Variants in GTF2A1L observed in about 807,000 individuals in gnomAD.
GTF2A1L encodes general transcription factor IIA subunit 1 like.
A neutral mutation model predicts 49.7 loss-of-function variants in GTF2A1L; 48 were observed. That is an observed-to-expected ratio of 0.97 (90% CI 0.77 to 1.23). The LOEUF (loss-of-function observed/expected upper bound fraction) is 1.23, where lower values mean the gene tolerates loss of function less well. Ranked by LOEUF, GTF2A1L falls within the 50% of genes most tolerant of loss-of-function variation. The probability of loss-of-function intolerance (pLI) is 0.00; values close to 1 mark genes in which losing one functional copy is unlikely to be tolerated. For missense variants in GTF2A1L, 736 were observed against 564.8 expected, an observed-to-expected ratio of 1.30 and a Z score of -3.07; for synonymous variants, 246 against 193.5, an observed-to-expected ratio of 1.27 and a Z score of -2.25.
intron 8 of GTF2A1L, among the ~76,000 whole-genome samples, chr2:48,674,084 A>G (rs1679325347): frequency 6.6e-6 from 1 of 152,106 alleles, no homozygotes; most frequent in African/African-American, 2.4e-5. Flanking sequence ...ATTTGGGTAC[A>G]GGTTTTTGCG....
At chr2:48,659,740 G>C (rs1678382979) in intron 6 of GTF2A1L, among the ~76,000 whole-genome samples, 1 of 152,054 alleles carries the variant, frequency 6.6e-6, no homozygotes, top group Non-Finnish European at 1.5e-5. Flanking sequence ...TATTGAAAAT[G>C]AAATTATTTT....
At chr2:48,623,324 G>A (rs1197267101) in intron 3 of GTF2A1L, among the ~76,000 whole-genome samples, 3 of 152,114 alleles carry the variant, frequency 2.0e-5, no homozygotes, top group African/African-American at 7.2e-5. Flanking sequence ...TAAGTCATTT[G>A]CCTTTGTCTG....
Position 48,674,846 on chromosome 2 carries a change from T to C in GTF2A1L, c.1329+3166T>C, listed in dbSNP as rs546121088. Among the ~76,000 whole-genome samples the C allele has an allele frequency of 4.6e-5, 7 of 152,268 alleles. No individual in the cohort carries two copies. The South Asian group carries it at 1.2e-3, about 27-fold the overall frequency. ...GAATAGATAGAGGTGATATTAAATA[T>C]ACACTGCTAACAAATCTAGTATCTG... On this transcript the variant is annotated intron_variant, in intron 8 of 8. Transcript: ENST00000403751.
At chr2:48,669,676 A>T in intron 6 of GTF2A1L, 46 bp from the exon 7 acceptor site, 1 of 1,553,870 alleles carries the variant, frequency 6.4e-7, no homozygotes, top group Non-Finnish European at 8.7e-7. Context: ...AATATTTTAT[A>T]TACCTTATTT....
intron 1 of GTF2A1L, among the ~76,000 whole-genome samples, chr2:48,618,472 A>G (rs555606509): frequency 2.6e-5 from 4 of 152,312 alleles, no homozygotes; most frequent in Non-Finnish European, 5.9e-5. Flanking sequence ...GAGACCATCA[A>G]TCTTAAAAAC....
chr2:48,641,862 A>T (rs948554712), intron 3 of GTF2A1L, among the ~76,000 whole-genome samples: 1 of 152,102 alleles, frequency 6.6e-6, no homozygotes, highest in African/African-American at 2.4e-5. Context: ...ATTTTTAGCA[A>T]TTGTACCTGT....
At chr2:48,661,397 G>A (rs183600148) in intron 6 of GTF2A1L, among the ~76,000 whole-genome samples, 41 of 151,648 alleles carry the variant, frequency 2.7e-4, no homozygotes, top group African/African-American at 9.7e-4. Flanking sequence ...GGGATTATAG[G>A]TGCCCACCAC....
Position 48,630,349 on chromosome 2 carries a change from G to A in GTF2A1L, c.247+9059G>A, listed in dbSNP as rs561308883. ...ATCTTTCCCTTCCTTGAGTAGATGC[G>A]TTCCTAGGTATTTTATTTTTGTGTG... On this transcript the variant is annotated intron_variant, in intron 3 of 8. Transcript: ENST00000403751. Among the ~76,000 whole-genome samples, 38 of 143,456 alleles carry A rather than the reference G, an allele frequency of 2.6e-4. 2 individuals are homozygous for A. The highest frequency in any genetic ancestry group is 8.4e-4 in the African/African-American group (34 of 40,466). 94.1% of individuals were successfully genotyped at this position (143,456 alleles called of 152,430 possible).
At chr2:48,636,523 T>G (rs1358773210) in intron 3 of GTF2A1L, among the ~76,000 whole-genome samples, 1 of 152,234 alleles carries the variant, frequency 6.6e-6, no homozygotes, top group African/African-American at 2.4e-5. Flanking sequence ...CTAAGATGTC[T>G]ACAGTTTTAC....
At chr2:48,646,097 T>A (rs534642614) in intron 5 of GTF2A1L, among the ~76,000 whole-genome samples, 1 of 152,262 alleles carries the variant, frequency 6.6e-6, no homozygotes, top group South Asian at 2.1e-4. Context: ...TGATTATGTT[T>A]GTTAAAATCC....
rs141421123 is a variant in GTF2A1L at position 48,631,080 on chromosome 2, T to G, written c.247+9790T>G. On this transcript the variant is annotated intron_variant, in intron 3 of 8. Coordinates refer to ENST00000403751, the MANE Select transcript of GTF2A1L (RefSeq NM_006872.5). ...TCAGGGATGTTGGCCTATACTTTTC[T>G]TTTTTTATCATGTCTTTTTCAGGTT... is the stretch of plus-strand genomic sequence containing the variant. Among the ~76,000 whole-genome samples the G allele has an allele frequency of 7.4e-3, 1,124 of 152,128 alleles. 11 individuals are homozygous for G. Among genetic ancestry groups the G allele is most frequent in the African/African-American group, 0.026 (1,074 of 41,428 alleles).
chr2:48,627,229 C>T (rs1676339145), intron 3 of GTF2A1L, among the ~76,000 whole-genome samples: 1 of 144,152 alleles, frequency 6.9e-6, no homozygotes, highest in Non-Finnish European at 1.6e-5. Context: ...ATAGTATTTT[C>T]AGATAATTGA....
chr2:48,666,267 G>A (rs372190029), intron 6 of GTF2A1L, among the ~76,000 whole-genome samples: 14 of 151,184 alleles, frequency 9.3e-5, no homozygotes, highest in East Asian at 7.8e-4. Context: ...GTGCAGTGGC[G>A]CGATCTCAGC....
At chr2:48,622,634 A>C (rs894578219) in intron 3 of GTF2A1L, among the ~76,000 whole-genome samples, 80 of 152,306 alleles carry the variant, frequency 5.3e-4, no homozygotes, top group Middle Eastern at 3.4e-3. Context: ...CAGCCTGGCC[A>C]ACATGGCGAA....
chr2:48,677,273 A>G (rs1231260166), intron 8 of GTF2A1L, among the ~76,000 whole-genome samples: 3 of 151,990 alleles, frequency 2.0e-5, no homozygotes, highest in East Asian at 3.8e-4. Context: ...ACATTAAATT[A>G]ATAAAATTTG....
chr2:48,660,633 A>G (rs1451186656), intron 6 of GTF2A1L, among the ~76,000 whole-genome samples: 1 of 151,676 alleles, frequency 6.6e-6, no homozygotes. Flanking sequence ...TCTTTTATTT[A>G]TAATTTTATT....
At chr2:48,662,538 C>T (rs1225569547) in intron 6 of GTF2A1L, among the ~76,000 whole-genome samples, 2 of 151,876 alleles carry the variant, frequency 1.3e-5, no homozygotes, top group Non-Finnish European at 2.9e-5. Context: ...CAAGGGGATC[C>T]ATGGCAATAG....
chr2:48,623,158 A>T (rs1359416099), intron 3 of GTF2A1L, among the ~76,000 whole-genome samples: 1 of 152,212 alleles, frequency 6.6e-6, no homozygotes, highest in Non-Finnish European at 1.5e-5. Context: ...GGTACCAAAC[A>T]GTAAGATTCT....
chr2:48,678,332 G>A (rs1679584712), intron 8 of GTF2A1L, among the ~76,000 whole-genome samples: 1 of 151,902 alleles, frequency 6.6e-6, no homozygotes, highest in Admixed American at 6.6e-5. Flanking sequence ...ACGTGCAAGT[G>A]ACTGTGCAAG....
Sources: allele counts gnomAD v4.1 joint callset (sites outside exome capture counted in the v4.1 genomes callset), GRCh38; gene constraint gnomAD v4.1.1; transcripts MANE v1.5; gene names NCBI Gene and HGNC (gene_info 2026-07-23, HGNC 2026-07-21).